Variants in MRPS28 observed in about 807,000 individuals in gnomAD.
The protein encoded by MRPS28 is mitochondrial ribosomal protein S28.
MRPS28 carries 7 observed loss-of-function variants against 10.8 expected under a neutral mutation model. The ratio of observed to expected loss-of-function variants is 0.65; its 90% CI spans 0.37 to 1.22. MRPS28 has a LOEUF of 1.22. Among genes scored for constraint, MRPS28 ranks in the 50% most tolerant of loss-of-function variants. MRPS28 has a pLI of 0.02. For synonymous variants in MRPS28, 121 were observed against 93.3 expected (o/e 1.30, Z -1.71); for missense variants, 265 against 232.9 (o/e 1.14, Z -0.90).
At chr8:79,976,411 T>G (rs1355346517) in intron 2 of MRPS28, among the ~76,000 whole-genome samples, 1 of 152,050 alleles carries the variant, frequency 6.6e-6, no homozygotes, top group Non-Finnish European at 1.5e-5. Flanking sequence ...AAAACATATA[T>G]ATAAAAATGC....
At chr8:80,028,664 C>CGGGGG (rs1278468176) in intron 1 of MRPS28, 36 of 7,064 alleles carry the variant, frequency 5.1e-3, no homozygotes, top group Non-Finnish European at 8.0e-3. Context: ...GGGGCGGGGC[C>CGGGGG]GGGCGGGGTC....
chr8:79,971,294 T>C (rs1181973514), intron 2 of MRPS28, among the ~76,000 whole-genome samples: 3 of 152,224 alleles, frequency 2.0e-5, no homozygotes, highest in South Asian at 2.1e-4. Context: ...ACTGAGTCTC[T>C]TGACTCCCTT....
At chr8:79,999,354 A>G (rs1808593722) in intron 2 of MRPS28, among the ~76,000 whole-genome samples, 1 of 152,234 alleles carries the variant, frequency 6.6e-6, no homozygotes, top group Admixed American at 6.5e-5. Flanking sequence ...ACAGGCAAAC[A>G]TTTGAATTAA....
chr8:79,973,482 C>A (rs1807692342), intron 2 of MRPS28, among the ~76,000 whole-genome samples: 1 of 152,032 alleles, frequency 6.6e-6, no homozygotes, highest in Non-Finnish European at 1.5e-5. Flanking sequence ...TGAAGACACA[C>A]CCCCATCTCC....
Position 79,933,241 on chromosome 8 carries a change from A to T in MRPS28, c.396-14093T>A, listed in dbSNP as rs866648244. On this transcript the variant is annotated intron_variant, in intron 2 of 2. Coordinates refer to ENST00000276585, the MANE Select transcript of MRPS28 (RefSeq NM_014018.3). Reference sequence around the variant, plus strand: ...CCAAGATCAAGGCTCGGGCCAATTCAATTTCTGGTGAAGGCTCTCTTCCCG... The same window carrying T: ...CCAAGATCAAGGCTCGGGCCAATTCTATTTCTGGTGAAGGCTCTCTTCCCG... Among the ~76,000 whole-genome samples the T allele has an allele frequency of 1.1e-4, 16 of 152,296 alleles. No individual in the cohort carries two copies. The South Asian group carries it at 2.5e-3, about 24-fold the overall frequency.
chr8:80,026,233 T>G (rs922857558), intron 1 of MRPS28, among the ~76,000 whole-genome samples: 2 of 152,206 alleles, frequency 1.3e-5, no homozygotes, highest in Admixed American at 1.3e-4. Flanking sequence ...TTTCACAAGT[T>G]GAATTCCTAT....
chr8:80,029,771 G>C, intron 1 of MRPS28: 1 of 1,497,990 alleles, frequency 6.7e-7, no homozygotes, highest in Non-Finnish European at 8.9e-7. Context: ...CTTCCCACCA[G>C]CATTCAATCC....
intron 1 of MRPS28, among the ~76,000 whole-genome samples, chr8:80,012,058 A>G (rs1307183569): frequency 2.0e-5 from 3 of 152,138 alleles, no homozygotes; most frequent in Non-Finnish European, 4.4e-5. Context: ...TACATTATAA[A>G]CTTTATAAAG....
At chr8:79,983,767 G>A (rs2130088818) in intron 2 of MRPS28, among the ~76,000 whole-genome samples, 1 of 152,288 alleles carries the variant, frequency 6.6e-6, no homozygotes, top group Non-Finnish European at 1.5e-5. Flanking sequence ...AGAAATATGG[G>A]ACTATGTGAA....
intron 2 of MRPS28, among the ~76,000 whole-genome samples, chr8:79,970,824 A>G (rs1807612523): frequency 6.6e-6 from 1 of 152,202 alleles, no homozygotes; most frequent in South Asian, 2.1e-4. Flanking sequence ...GTCTGTGGTT[A>G]TTTGCTGAGA....
At chr8:79,995,119 C>T (rs777532179) in intron 2 of MRPS28, among the ~76,000 whole-genome samples, 4 of 152,104 alleles carry the variant, frequency 2.6e-5, no homozygotes, top group Admixed American at 6.6e-5. Flanking sequence ...TTCTCTATCC[C>T]CCTGACCAGA....
At chr8:80,003,438 G>T (rs1432720270) in intron 1 of MRPS28, among the ~76,000 whole-genome samples, 1 of 152,196 alleles carries the variant, frequency 6.6e-6, no homozygotes, top group Non-Finnish European at 1.5e-5. Context: ...GGCCGAGGCA[G>T]GTGGATCACC....
intron 2 of MRPS28, among the ~76,000 whole-genome samples, chr8:79,946,119 A>T (rs1197225165): frequency 6.6e-6 from 1 of 152,156 alleles, no homozygotes. Flanking sequence ...GCTCCATATA[A>T]AATACCAATT....
chr8:79,939,583 G>T (rs1021252518), intron 2 of MRPS28, among the ~76,000 whole-genome samples: 1 of 152,042 alleles, frequency 6.6e-6, no homozygotes, highest in South Asian at 2.1e-4. Flanking sequence ...CAATGTACTT[G>T]CCTCCCTAGT....
chr8:79,926,949 G>A (rs1810248358), intron 2 of MRPS28, among the ~76,000 whole-genome samples: 1 of 152,186 alleles, frequency 6.6e-6, no homozygotes, highest in African/African-American at 2.4e-5. Flanking sequence ...TCTCCCGACT[G>A]TTCAACAAAA....
At chr8:79,972,178 C>T (rs1807651808) in intron 2 of MRPS28, among the ~76,000 whole-genome samples, 1 of 152,146 alleles carries the variant, frequency 6.6e-6, no homozygotes, top group Non-Finnish European at 1.5e-5. Flanking sequence ...ATAAAATTAT[C>T]TGCATAGAAT....
At chr8:79,960,986 T>A in intron 2 of MRPS28, among the ~76,000 whole-genome samples, 1 of 152,108 alleles carries the variant, frequency 6.6e-6, no homozygotes, top group East Asian at 1.9e-4. Context: ...GGGGAAGCAG[T>A]GACAATGGTC....
chr8:79,975,067 C>G (rs1199916104), intron 2 of MRPS28, among the ~76,000 whole-genome samples: 1 of 152,108 alleles, frequency 6.6e-6, no homozygotes, highest in Non-Finnish European at 1.5e-5. Context: ...AGAGGACTGG[C>G]TGAGCCCAGG....
intron 2 of MRPS28, among the ~76,000 whole-genome samples, chr8:79,947,913 A>G (rs1442421969): frequency 1.3e-5 from 2 of 151,442 alleles, no homozygotes; most frequent in Non-Finnish European, 2.9e-5. Context: ...CTGGGATTAC[A>G]GGTATGAGCC....
Sources: allele counts gnomAD v4.1 joint callset (sites outside exome capture counted in the v4.1 genomes callset), GRCh38; gene constraint gnomAD v4.1.1; transcripts MANE v1.5; gene names NCBI Gene and HGNC (gene_info 2026-07-23, HGNC 2026-07-21).